The following ZNF722 variants were observed in gnomAD, a reference collection of about 807,000 sequenced individuals.
The protein encoded by ZNF722 is zinc finger protein 479 pseudogene.
At chr7:64,005,065 G>A in the ZNF722 span, among the ~76,000 whole-genome samples, 26 of 152,212 alleles carry the variant, frequency 1.7e-4, no homozygotes, top group South Asian at 5.4e-3. Context: ...TTGGGAGGCC[G>A]AGGTGGGTGG....
the ZNF722 span, among the ~76,000 whole-genome samples, chr7:64,007,878 A>G: frequency 6.6e-6 from 1 of 152,096 alleles, no homozygotes; most frequent in African/African-American, 2.4e-5. Flanking sequence ...AAGTGTTCCT[A>G]TTTCTCCACA....
the ZNF722 span, among the ~76,000 whole-genome samples, chr7:64,007,222 T>TGTGTGTGTGTGTG: frequency 7.6e-6 from 1 of 131,818 alleles, no homozygotes; most frequent in African/African-American, 3.1e-5. Context: ...ATTTGTGTGT[T>TGTGTGTGTGTGTG]TGTGTGTGTA....
At chr7:64,003,011 TG>T in the ZNF722 span, among the ~76,000 whole-genome samples, 1 of 152,208 alleles carries the variant, frequency 6.6e-6, no homozygotes, top group Admixed American at 6.5e-5. Context: ...AGCCCATTCC[TG>T]GAACTTTTTG....
the ZNF722 span, chr7:64,005,509 T>C: frequency 1.6e-6 from 1 of 623,608 alleles, no homozygotes; most frequent in Non-Finnish European, 2.9e-6. Context: ...AACCACTTCA[T>C]TTTACTCTCT....
chr7:64,002,045 G>A, the ZNF722 span, among the ~76,000 whole-genome samples: 8 of 152,030 alleles, frequency 5.3e-5, no homozygotes, highest in South Asian at 1.5e-3. Context: ...TGCACGCCCA[G>A]CTAATTTTTG....
At chr7:64,002,898 A>C in the ZNF722 span, among the ~76,000 whole-genome samples, 1 of 152,312 alleles carries the variant, frequency 6.6e-6, no homozygotes, top group Admixed American at 6.5e-5. Flanking sequence ...TTTGTGACAA[A>C]TGTGGTGGGT....
the ZNF722 span, among the ~76,000 whole-genome samples, chr7:64,000,435 CCTTT>C: frequency 4.5e-5 from 1 of 22,194 alleles, no homozygotes; most frequent in African/African-American, 1.2e-4. Flanking sequence ...CCATGCCCGG[CCTTT>C]TTTTTTTTTT....
At chr7:64,013,746 A>T in the ZNF722 span, among the ~76,000 whole-genome samples, 2 of 152,136 alleles carry the variant, frequency 1.3e-5, no homozygotes, top group Admixed American at 1.3e-4. Flanking sequence ...ATGTATTTTC[A>T]TATGATTATA....
the ZNF722 span, among the ~76,000 whole-genome samples, chr7:64,013,732 AG>A: frequency 1.3e-5 from 2 of 152,106 alleles, no homozygotes; most frequent in African/African-American, 4.8e-5. Context: ...TTTTTCAGAA[AG>A]TTATGTATTT....
chr7:64,004,715 T>C, the ZNF722 span, among the ~76,000 whole-genome samples: 1 of 152,046 alleles, frequency 6.6e-6, no homozygotes, highest in Admixed American at 6.6e-5. Context: ...ATCTGTCCTT[T>C]CTTTTTAGAT....
chr7:64,002,822 A>G, the ZNF722 span, among the ~76,000 whole-genome samples: 1 of 152,224 alleles, frequency 6.6e-6, no homozygotes, highest in East Asian at 1.9e-4. Flanking sequence ...TGTAAACTTA[A>G]AAAAGCCAAC....
At chr7:64,013,201 T>A in the ZNF722 span, among the ~76,000 whole-genome samples, 2 of 152,154 alleles carry the variant, frequency 1.3e-5, no homozygotes, top group Non-Finnish European at 2.9e-5. Context: ...TTTATTTAAA[T>A]TTTTTATTCA....
chr7:64,012,221 C>T, the ZNF722 span, among the ~76,000 whole-genome samples: 15 of 152,244 alleles, frequency 9.9e-5, no homozygotes, highest in East Asian at 2.5e-3. Flanking sequence ...TTCGAACATC[C>T]TCCTTTAGCT....
the ZNF722 span, among the ~76,000 whole-genome samples, chr7:64,006,707 A>G: frequency 6.6e-6 from 1 of 152,130 alleles, no homozygotes; most frequent in South Asian, 2.1e-4. Context: ...GTGTGAGAAT[A>G]GTAATTTCTG....
the ZNF722 span, chr7:64,015,222 C>T: frequency 8.0e-7 from 1 of 1,248,042 alleles, no homozygotes. Context: ...GTCAAATACC[C>T]AAAACAAAAT....
the ZNF722 span, among the ~76,000 whole-genome samples, chr7:64,004,425 A>AAAAAAAATAT: frequency 9.8e-5 from 6 of 61,108 alleles, no homozygotes; most frequent in Admixed American, 2.3e-4. Context: ...AAAAAAAAAA[A>AAAAAAAATAT]ATATATATAT....
the ZNF722 span, among the ~76,000 whole-genome samples, chr7:64,013,771 T>C: frequency 2.0e-5 from 3 of 152,188 alleles, no homozygotes; most frequent in Admixed American, 2.0e-4. Flanking sequence ...CTTCGTCATA[T>C]TATTTTAAGT....
chr7:64,003,087 G>C, the ZNF722 span, among the ~76,000 whole-genome samples: 1 of 152,260 alleles, frequency 6.6e-6, no homozygotes, highest in South Asian at 2.1e-4. Context: ...AAACTTGAGG[G>C]GTTCAAGATA....
At chr7:64,005,493 A>G in the ZNF722 span, 1 of 600,072 alleles carries the variant, frequency 1.7e-6, no homozygotes. Flanking sequence ...CAGTCTTATA[A>G]GTGAGAACCA....
Sources: allele counts gnomAD v4.1 joint callset (sites outside exome capture counted in the v4.1 genomes callset), GRCh38; gene constraint gnomAD v4.1.1; transcripts MANE v1.5; gene names NCBI Gene and HGNC (gene_info 2026-07-23, HGNC 2026-07-21).